KCMF1: variants seen among roughly 807,000 people sequenced by gnomAD.
The protein encoded by KCMF1 is potassium channel modulatory factor 1, also known as E3 ubiquitin-protein ligase KCMF1.
A neutral mutation model predicts 41.1 loss-of-function variants in KCMF1; 3 were observed. The ratio of observed to expected loss-of-function variants is 0.07; its 90% CI spans 0.03 to 0.19. The LOEUF is 0.19. Among genes scored for constraint, KCMF1 ranks in the 10% least tolerant of loss-of-function variants. The pLI, the probability that KCMF1 is intolerant of heterozygous loss-of-function variation, is 1.00. For synonymous variants in KCMF1, 142 were observed against 164.5 expected, an observed-to-expected ratio of 0.86 and a Z score of 1.04; for missense variants, 286 against 488.9, an observed-to-expected ratio of 0.58 and a Z score of 3.91.
intron 1 of KCMF1, among the ~76,000 whole-genome samples, chr2:85,015,678 A>G (rs2104010713): frequency 6.6e-6 from 1 of 152,282 alleles, no homozygotes; most frequent in African/African-American, 2.4e-5. Context: ...TAAATACAAT[A>G]TTTCACCCAT....
chr2:85,023,149 A>G (rs1674988902), intron 1 of KCMF1, among the ~76,000 whole-genome samples: 1 of 151,634 alleles, frequency 6.6e-6, no homozygotes. Context: ...GGCCTCCCAA[A>G]GTGCTGGGAT....
At chr2:85,000,954 GTTTGT>G (rs1220613905) in intron 1 of KCMF1, among the ~76,000 whole-genome samples, 1 of 148,804 alleles carries the variant, frequency 6.7e-6, no homozygotes, top group Non-Finnish European at 1.5e-5. Flanking sequence ...AAAGTTTTGG[GTTTGT>G]TTTGTTTTGT....
At chr2:85,029,245 T>G (rs975556246) in intron 2 of KCMF1, among the ~76,000 whole-genome samples, 1 of 152,092 alleles carries the variant, frequency 6.6e-6, no homozygotes, top group African/African-American at 2.4e-5. Context: ...ATTACAGACG[T>G]GAGCCACCAT....
At chr2:84,977,982 A>G (rs921967426) in intron 1 of KCMF1, among the ~76,000 whole-genome samples, 2 of 151,442 alleles carry the variant, frequency 1.3e-5, no homozygotes, top group African/African-American at 4.8e-5. Flanking sequence ...TTAGTCTGAG[A>G]TTTTAAGATG....
chr2:84,996,945 G>T (rs994344360), intron 1 of KCMF1, among the ~76,000 whole-genome samples: 4 of 152,118 alleles, frequency 2.6e-5, no homozygotes, highest in African/African-American at 7.2e-5. Context: ...ATGTATGTTG[G>T]CCAGGCTAAG....
At chr2:85,029,600 A>T (rs1675213360) in intron 2 of KCMF1, among the ~76,000 whole-genome samples, 1 of 147,612 alleles carries the variant, frequency 6.8e-6, no homozygotes, top group African/African-American at 2.5e-5. Context: ...CGCTATCTCA[A>T]AAAAAAAAAA....
intron 1 of KCMF1, among the ~76,000 whole-genome samples, chr2:84,994,410 CT>C (rs912547740): frequency 8.1e-5 from 12 of 148,676 alleles, no homozygotes; most frequent in South Asian, 2.1e-4. Flanking sequence ...AACAATACTT[CT>C]TTTTTTTTTG....
chr2:85,027,435 G>A (rs1208754050), intron 1 of KCMF1, among the ~76,000 whole-genome samples: 3 of 144,178 alleles, frequency 2.1e-5, no homozygotes, highest in African/African-American at 7.8e-5. Context: ...GAGTGCAGTG[G>A]CGCGATCTCA....
chr2:84,989,413 G>A (rs1025789575), intron 1 of KCMF1, among the ~76,000 whole-genome samples: 1 of 152,168 alleles, frequency 6.6e-6, no homozygotes, highest in Non-Finnish European at 1.5e-5. Context: ...AGGGATAAAT[G>A]CCAGGAGATG....
chr2:85,021,244 C>A (rs1674929705), intron 1 of KCMF1, among the ~76,000 whole-genome samples: 1 of 152,128 alleles, frequency 6.6e-6, no homozygotes, highest in East Asian at 1.9e-4. Flanking sequence ...CTTTTGAGAT[C>A]TCAAGGATCT....
rs1558573267 is a variant in KCMF1, at chr2:85,008,263, C to CATATATAATATATAATATGATATATAAT, written c.17-19599_17-19572dup. Among the ~76,000 whole-genome samples, 498 of 68,798 alleles carry CATATATAATATATAATATGATATATAAT rather than the reference C, an allele frequency of 7.2e-3. 7 individuals carry two copies. Among genetic ancestry groups the CATATATAATATATAATATGATATATAAT allele is most frequent in the South Asian group, 0.022 (54 of 2,454 alleles). The allele number at this position is 68,798 out of a possible 152,430, so 45.1% of individuals were successfully genotyped here. On this transcript the variant is annotated intron_variant, in intron 1 of 6. Transcript: ENST00000409785. ...ATTATATATGATATATATTATATAT[C>CATATATAATATATAATATGATATATAAT]ATATATAATATATAATATGATATAT...
At chr2:84,977,382 T>C (rs1673577239) in intron 1 of KCMF1, among the ~76,000 whole-genome samples, 1 of 152,224 alleles carries the variant, frequency 6.6e-6, no homozygotes, top group Non-Finnish European at 1.5e-5. Flanking sequence ...TACAACTTAT[T>C]GTACTTTAAC....
At chr2:85,033,846 A>G (rs1447841143) in intron 2 of KCMF1, among the ~76,000 whole-genome samples, 1 of 152,086 alleles carries the variant, frequency 6.6e-6, no homozygotes, top group Non-Finnish European at 1.5e-5. Flanking sequence ...AATTATTCCT[A>G]CAGACTAACT....
rs1176385652 is a variant in KCMF1 at position 84,990,182 on chromosome 2, C to T, written c.16+18715C>T. ...GCAGTTTCAAAGGAGTGGGCTGGAC[C>T]CAGATTGCAATGTGTTAAATTCTGA... On this transcript the variant is annotated intron_variant, in intron 1 of 6. Transcript: ENST00000409785. Among the ~76,000 whole-genome samples the T allele has an allele frequency of 2.0e-5, 3 of 152,080 alleles. No homozygotes were observed. In the South Asian group the frequency reaches 6.2e-4, roughly 31 times the overall value.
chr2:84,976,692 T>A (rs956516797), intron 1 of KCMF1, among the ~76,000 whole-genome samples: 3 of 151,928 alleles, frequency 2.0e-5, no homozygotes, highest in Non-Finnish European at 4.4e-5. Context: ...TTTATCTGAT[T>A]TATAATTTCT....
rs1317056367 is a variant in KCMF1 at position 85,053,911 on chromosome 2, A to G, written c.*502A>G. The G allele has an allele frequency of 6.6e-6, 1 of 152,528 alleles. No individual in the cohort carries two copies. Among genetic ancestry groups the G allele is most frequent in the Admixed American group, 6.5e-5 (1 of 15,302 alleles). 9.4% of individuals were successfully genotyped at this position (152,528 alleles called of 1,614,324 possible). On this transcript the variant is annotated 3_prime_UTR_variant, in exon 7 of 7. Transcript: ENST00000409785. The stretch of plus-strand genomic sequence containing the variant: ...AACATTATTCAATGGTTACACGACG[A>G]AGTAGCTTTTGAATAATGTCTGCCT...
chr2:84,982,723 A>G (rs1404675613), intron 1 of KCMF1, among the ~76,000 whole-genome samples: 1 of 152,132 alleles, frequency 6.6e-6, no homozygotes, highest in Non-Finnish European at 1.5e-5. Flanking sequence ...ATTGAAATAC[A>G]TGCTGGGAGT....
At chr2:85,027,686 A>G (rs1356892056) in intron 1 of KCMF1, among the ~76,000 whole-genome samples, 1 of 152,052 alleles carries the variant, frequency 6.6e-6, no homozygotes. Context: ...TGTATCAGTC[A>G]TTTTAAATTA....
chr2:85,052,209 A>G (rs1675825640), intron 6 of KCMF1, among the ~76,000 whole-genome samples: 2 of 152,136 alleles, frequency 1.3e-5, no homozygotes, highest in South Asian at 4.1e-4. Context: ...AGCTGGGATT[A>G]TAGGCACGCA....
Sources: gnomAD v4.1 joint callset for allele counts (sites outside exome capture counted in the v4.1 genomes callset) on GRCh38, gnomAD v4.1.1 for gene constraint, MANE v1.5 for transcripts, NCBI Gene and HGNC (gene_info 2026-07-23, HGNC 2026-07-21) for gene names.